Variants in ZNF804A observed in about 807,000 individuals in gnomAD.
The protein encoded by ZNF804A is zinc finger protein 804A.
ZNF804A carries 2 observed loss-of-function variants against 16.5 expected under a neutral mutation model. That is an observed-to-expected ratio of 0.12 (90% confidence interval 0.05 to 0.38). The LOEUF (loss-of-function observed/expected upper bound fraction) is 0.38. Ranked by LOEUF, ZNF804A falls within the 10% of genes least tolerant of loss-of-function variation. ZNF804A has a pLI of 0.99. For missense variants in ZNF804A, 1,473 were observed against 1,390.7 expected (o/e 1.06, Z -0.94); for synonymous variants, 534 against 489.6 (o/e 1.09, Z -1.20).
chr2:184,903,989 A>T (rs1685230387), intron 2 of ZNF804A, among the ~76,000 whole-genome samples: 1 of 152,102 alleles, frequency 6.6e-6, no homozygotes, highest in South Asian at 2.1e-4. Flanking sequence ...CCCGAAAAAA[A>T]CCCTGTTAGA....
chr2:184,881,622 A>G (rs1684811367), intron 2 of ZNF804A, among the ~76,000 whole-genome samples: 1 of 152,110 alleles, frequency 6.6e-6, no homozygotes, highest in South Asian at 2.1e-4. Flanking sequence ...TATATTCAGC[A>G]TTCTTAAAGA....
At chr2:184,650,210 G>A (rs7608284) in intron 1 of ZNF804A, among the ~76,000 whole-genome samples, 67,417 of 151,864 alleles carry the variant, frequency 0.44, 16,121 homozygotes, top group African/African-American at 0.62. Flanking sequence ...ACCAAAAGGC[G>A]TAAGATCATC....
At chr2:184,611,112 A>C (rs1452410519) in intron 1 of ZNF804A, among the ~76,000 whole-genome samples, 1 of 152,148 alleles carries the variant, frequency 6.6e-6, no homozygotes, top group African/African-American at 2.4e-5. Flanking sequence ...GCTTCCTCAT[A>C]GTCAGACTTC....
chr2:184,894,099 A>G (rs981574233), intron 2 of ZNF804A, among the ~76,000 whole-genome samples: 1 of 152,156 alleles, frequency 6.6e-6, no homozygotes, highest in South Asian at 2.1e-4. Context: ...CAAGAAGATC[A>G]TGTTTTGATA....
intron 1 of ZNF804A, among the ~76,000 whole-genome samples, chr2:184,673,237 A>G (rs1692366496): frequency 6.6e-6 from 1 of 152,154 alleles, no homozygotes; most frequent in Non-Finnish European, 1.5e-5. Flanking sequence ...CAAAAAAGGG[A>G]TAGACATTGC....
intron 1 of ZNF804A, among the ~76,000 whole-genome samples, chr2:184,797,405 T>C (rs1249756799): frequency 1.3e-5 from 2 of 152,140 alleles, no homozygotes; most frequent in African/African-American, 4.8e-5. Context: ...TTTTAACCAC[T>C]GTTGCTTTAA....
chr2:184,912,625 C>T (rs1038291094), intron 2 of ZNF804A, among the ~76,000 whole-genome samples: 14 of 151,958 alleles, frequency 9.2e-5, no homozygotes, highest in Non-Finnish European at 7.4e-5. Context: ...ATGTTCTATT[C>T]TTTTTTAAAA....
rs190680107 is a variant in ZNF804A at position 184,822,996 on chromosome 2, C to A, written c.112-43373C>A. 2.8e-4 allele frequency among the ~76,000 whole-genome samples: 43 copies of A among 152,124 alleles called. No homozygotes were observed. In the East Asian group the frequency reaches 7.2e-3, roughly 25 times the overall value. On this transcript the variant is annotated intron_variant, in intron 1 of 3. Coordinates refer to ENST00000302277, the MANE Select transcript of ZNF804A (RefSeq NM_194250.2). ...AGAAGAGCCAAATAAGACAAATAGT[C>A]GTTGTCTTAGTCCATTCTTGCTACT...
chr2:184,664,749 G>T (rs1434848145), intron 1 of ZNF804A, among the ~76,000 whole-genome samples: 1 of 152,036 alleles, frequency 6.6e-6, no homozygotes, highest in African/African-American at 2.4e-5. Flanking sequence ...AAAGTGTTTG[G>T]GACAGAGGGA....
intron 1 of ZNF804A, among the ~76,000 whole-genome samples, chr2:184,679,601 T>TA (rs1056571209): frequency 1.3e-5 from 2 of 152,168 alleles, no homozygotes; most frequent in African/African-American, 4.8e-5. Flanking sequence ...CCCCACTCCT[T>TA]AGGCCTGCTC....
At chr2:184,807,053 T>A (rs1694818723) in intron 1 of ZNF804A, among the ~76,000 whole-genome samples, 1 of 151,756 alleles carries the variant, frequency 6.6e-6, no homozygotes, top group Non-Finnish European at 1.5e-5. Context: ...TCTTTTCAGA[T>A]AGCCCCTGTC....
intron 1 of ZNF804A, among the ~76,000 whole-genome samples, chr2:184,620,680 A>T (rs1691403605): frequency 6.6e-6 from 1 of 151,770 alleles, no homozygotes; most frequent in Non-Finnish European, 1.5e-5. Context: ...TATTACAATA[A>T]GTGGAAAAAC....
intron 1 of ZNF804A, among the ~76,000 whole-genome samples, chr2:184,604,146 CTTTTTTTTTTTTTTTTTTTTT>C (rs759053144): frequency 1.4e-3 from 62 of 44,894 alleles, no homozygotes; most frequent in East Asian, 3.4e-3. Context: ...ACTGCAATTA[CTTTTTTTTTTTTTTTTTTTTT>C]TTTTTTTTTT....
intron 1 of ZNF804A, among the ~76,000 whole-genome samples, chr2:184,638,731 A>G (rs1691743060): frequency 6.6e-6 from 1 of 152,124 alleles, no homozygotes; most frequent in Admixed American, 6.5e-5. Context: ...CTCATTATGT[A>G]TATTTTGTGA....
chr2:184,889,788 A>G (rs1450356842), intron 2 of ZNF804A, among the ~76,000 whole-genome samples: 5 of 152,176 alleles, frequency 3.3e-5, no homozygotes, highest in African/African-American at 1.2e-4. Context: ...CTAAACATAC[A>G]CCAGAAATGC....
At chr2:184,886,964 C>A (rs2105820408) in intron 2 of ZNF804A, among the ~76,000 whole-genome samples, 2 of 152,348 alleles carry the variant, frequency 1.3e-5, no homozygotes, top group Middle Eastern at 6.8e-3. Flanking sequence ...AAACAAATTT[C>A]TGCAGAAAGC....
At chr2:184,709,734 A>C (rs917361347) in intron 1 of ZNF804A, among the ~76,000 whole-genome samples, 4 of 151,014 alleles carry the variant, frequency 2.6e-5, no homozygotes, top group African/African-American at 9.7e-5. Context: ...TTTTTAAAAA[A>C]CATTCTTGGC....
At chr2:184,632,993 C>T (rs1415959106) in intron 1 of ZNF804A, among the ~76,000 whole-genome samples, 1 of 152,070 alleles carries the variant, frequency 6.6e-6, no homozygotes, top group Non-Finnish European at 1.5e-5. Flanking sequence ...GAAGTTTGAC[C>T]TTTTCTACCC....
Position 184,746,794 on chromosome 2 carries a change from T to C in ZNF804A, c.112-119575T>C, listed in dbSNP as rs368073976. On this transcript the variant is annotated intron_variant, in intron 1 of 3. Coordinates refer to ENST00000302277, the MANE Select transcript of ZNF804A (RefSeq NM_194250.2). ...ATTAACTCCCACAAATGAGTGAGAATATGCAACATTTTTCTTTCTGTTCCT... is the reference window on the plus strand; with the variant it reads ...ATTAACTCCCACAAATGAGTGAGAACATGCAACATTTTTCTTTCTGTTCCT... 2.4e-4 allele frequency among the ~76,000 whole-genome samples: 37 copies of C among 151,596 alleles called. 1 individual carries two copies. The South Asian group carries it at 7.7e-3, about 31-fold the overall frequency.
Sources: gnomAD v4.1 joint callset for allele counts (sites outside exome capture counted in the v4.1 genomes callset) on GRCh38, gnomAD v4.1.1 for gene constraint, MANE v1.5 for transcripts, NCBI Gene and HGNC (gene_info 2026-07-23, HGNC 2026-07-21) for gene names.